FNBP4: variants seen among roughly 807,000 people sequenced by gnomAD.
FNBP4 encodes formin binding protein 4, also known as formin-binding protein 4.
FNBP4 carries 34 observed loss-of-function variants against 119.3 expected under a neutral mutation model. That is an observed-to-expected ratio of 0.28 (90% CI 0.22 to 0.38). The LOEUF is 0.38. Among genes scored for constraint, FNBP4 ranks in the 10% least tolerant of loss-of-function variants. The pLI, the probability that FNBP4 is intolerant of heterozygous loss-of-function variation, is 1.00. For missense variants in FNBP4, 1,112 were observed against 1,228.9 expected (o/e 0.90, Z 1.42); for synonymous variants, 462 against 430.6 (o/e 1.07, Z -0.90).
At position 47,746,386 on chromosome 11, in the gene FNBP4, A is replaced by G. The variant is rs756239260; in HGVS notation, c.915T>C (p.Asn305=). The G allele has an allele frequency of 6.3e-6, 10 of 1,592,222 alleles. No individual in the cohort carries two copies. Among genetic ancestry groups the G allele is most frequent in the Non-Finnish European group, 8.5e-6 (10 of 1,173,838 alleles). Residue 305 remains asparagine (N), a synonymous_variant, in exon 7 of 17, where the codon AAT becomes AAC. Coordinates refer to ENST00000263773, the MANE Select transcript of FNBP4 (RefSeq NM_015308.5). The part of the protein sequence containing the change: ...IAKREVKKEV[N]EGIQALSNSE... Reference sequence around the variant, plus strand: ...TATTTGAGAGAGCCTGAATTCCTTCATTTACTTCCTATAAAGAACAAAATA... The same window carrying G: ...TATTTGAGAGAGCCTGAATTCCTTCGTTTACTTCCTATAAAGAACAAAATA...
chr11:47,747,871 C>G (rs1294320584), intron 6 of FNBP4, among the ~76,000 whole-genome samples: 3 of 151,926 alleles, frequency 2.0e-5, no homozygotes, highest in Non-Finnish European at 4.4e-5. Flanking sequence ...TCGCTTGAAC[C>G]TGGGAGGCAG....
At chr11:47,735,865 G>T (rs578111109) in intron 9 of FNBP4, among the ~76,000 whole-genome samples, 1 of 150,988 alleles carries the variant, frequency 6.6e-6, no homozygotes, top group South Asian at 2.1e-4. Flanking sequence ...GTATCACGAG[G>T]TCAGGAGATC....
intron 1 of FNBP4, among the ~76,000 whole-genome samples, chr11:47,766,091 A>G (rs113135842): frequency 1.5e-3 from 231 of 152,180 alleles, no homozygotes; most frequent in African/African-American, 5.2e-3. Context: ...TCTCGCCTGT[A>G]ATGATCGCTT....
chr11:47,720,210 A>T, intron 15 of FNBP4, 124 bp from the exon 16 acceptor site: 1 of 880,340 alleles, frequency 1.1e-6, no homozygotes, highest in Non-Finnish European at 1.7e-6. Flanking sequence ...AAAAGAAAGT[A>T]AATACCATTC....
chr11:47,736,820 T>G, intron 8 of FNBP4, 80 bp from the exon 9 acceptor site: 1 of 1,240,100 alleles, frequency 8.1e-7, no homozygotes, highest in South Asian at 1.3e-5. Context: ...ATAGCAGATA[T>G]CTGCAAAAGA....
At chr11:47,744,711 G>A (rs1027575941) in intron 7 of FNBP4, among the ~76,000 whole-genome samples, 1 of 152,146 alleles carries the variant, frequency 6.6e-6, no homozygotes, top group African/African-American at 2.4e-5. Flanking sequence ...ATCCCCTCAA[G>A]CATTTATCCT....
At chr11:47,730,277 C>A in intron 12 of FNBP4, 2 of 976,102 alleles carry the variant, frequency 2.0e-6, no homozygotes, top group Non-Finnish European at 2.4e-6. Flanking sequence ...AAAAGAAAAT[C>A]TCTTCATGTA....
intron 12 of FNBP4, among the ~76,000 whole-genome samples, chr11:47,728,589 G>A (rs2097563863): frequency 6.6e-6 from 1 of 152,038 alleles, no homozygotes; most frequent in African/African-American, 2.4e-5. Flanking sequence ...AAGCTAGAGT[G>A]CAATGGTGTG....
intron 15 of FNBP4, 122 bp from the exon 16 acceptor site, chr11:47,720,208 G>A: frequency 1.1e-6 from 1 of 877,876 alleles, no homozygotes. Context: ...AAAAAAGAAA[G>A]TAAATACCAT....
intron 12 of FNBP4, chr11:47,725,162 G>C (rs1255024622): frequency 6.3e-6 from 1 of 159,744 alleles, no homozygotes; most frequent in Non-Finnish European, 1.4e-5. Flanking sequence ...TCTGTAGTTT[G>C]AAGTTTTTGA....
intron 3 of FNBP4, among the ~76,000 whole-genome samples, chr11:47,753,517 A>G (rs889587941): frequency 6.6e-6 from 1 of 152,162 alleles, no homozygotes; most frequent in African/African-American, 2.4e-5. Flanking sequence ...AGGCTGAGGC[A>G]CTAGAATTGC....
At position 47,734,023 on chromosome 11, in the gene FNBP4, A is replaced by C; in HGVS notation, c.1686+2T>G. Reference sequence around the variant, plus strand: ...GCCAAAAAAAAAAAAAAAAAGACTTACCTCAGTCTGTAAGAGCAGCACATG... The same window carrying C: ...GCCAAAAAAAAAAAAAAAAAGACTTCCCTCAGTCTGTAAGAGCAGCACATG... On this transcript the variant is annotated splice_donor_variant, in intron 10 of 16. Coordinates refer to ENST00000263773, the MANE Select transcript of FNBP4 (RefSeq NM_015308.5). LOFTEE classifies it high-confidence loss of function. 1 of 1,355,798 alleles carries C rather than the reference A, an allele frequency of 7.4e-7. No individual in the cohort carries two copies. The highest frequency in any genetic ancestry group is 1.0e-6 in the Non-Finnish European group (1 of 996,312). The allele number at this position is 1,355,798 out of a possible 1,614,324, so 84.0% of individuals were successfully genotyped here. A position where few individuals can be genotyped will look rare whatever the true frequency, so the allele number is the denominator to read the frequency against.
chr11:47,756,236 T>C (rs778908795), intron 2 of FNBP4, among the ~76,000 whole-genome samples: 5 of 152,164 alleles, frequency 3.3e-5, no homozygotes, highest in Non-Finnish European at 5.9e-5. Context: ...ATTAACAATA[T>C]AATACATAGA....
chr11:47,746,009 G>A, intron 7 of FNBP4, 47 bp downstream of exon 7: 1 of 1,437,176 alleles, frequency 7.0e-7, no homozygotes, highest in Non-Finnish European at 9.5e-7. Context: ...TCCCTGTAGA[G>A]TAGTACTGAG....
intron 10 of FNBP4, among the ~76,000 whole-genome samples, chr11:47,733,372 T>C (rs1339127321): frequency 6.6e-6 from 1 of 151,920 alleles, no homozygotes; most frequent in African/African-American, 2.4e-5. Context: ...GGACTCTGGC[T>C]CTGTTGCCCA....
At position 47,723,210 on chromosome 11, in the gene FNBP4, G is replaced by A. The variant is rs781727247; in HGVS notation, c.2571C>T (p.Ser857=). 1.9e-6 allele frequency: 3 copies of A among 1,614,042 alleles called. No homozygotes were observed. Among genetic ancestry groups the A allele is most frequent in the Non-Finnish European group, 2.5e-6 (3 of 1,180,056 alleles). ...CTAGTCCAAGGTAATTTGACTGCAG[G>A]CTCATTCCTCTGGCCTGATGACCCA... ...AGMGHQARGM[S]LQSNYLGLAA... is the part of the protein sequence containing the mutation. Residue 857 remains serine (S), a synonymous_variant, in exon 15 of 17, where the codon AGC becomes AGT. Coordinates refer to ENST00000263773, the MANE Select transcript of FNBP4 (RefSeq NM_015308.5).
At chr11:47,752,618 T>C in intron 4 of FNBP4, 2 of 224,004 alleles carry the variant, frequency 8.9e-6, no homozygotes, top group Non-Finnish European at 1.8e-5. Context: ...AGACCAGCCT[T>C]GGGCAACACA....
In FNBP4 at chr11:47,754,674, A is replaced by G. The variant is rs1191456598; in HGVS notation, c.314-10T>C. The G allele has an allele frequency of 1.2e-5, 20 of 1,612,592 alleles. No individual in the cohort carries two copies. Among genetic ancestry groups the G allele is most frequent in the Non-Finnish European group, 1.5e-5 (18 of 1,179,650 alleles). On this transcript the variant is annotated splice_polypyrimidine_tract_variant and intron_variant, in intron 2 of 16. Transcript: ENST00000263773. The stretch of plus-strand genomic sequence containing the variant: ...AGCAAGCATAGACCGCCTAGAAACA[A>G]AAAGGTAAACAGTATTTGTAACAAC...
At position 47,731,856 on chromosome 11, in the gene FNBP4, G is replaced by T. The variant is rs1475200388; in HGVS notation, c.1821-295C>A. On this transcript the variant is annotated intron_variant, in intron 11 of 16. Transcript: ENST00000263773. The stretch of plus-strand genomic sequence containing the variant: ...TTGTGATTTGCCAATGCATAACAGG[G>T]TTTCAAGTTTCATTAATGAAGGGAC... 3 of 1,072,318 alleles carry T rather than the reference G, an allele frequency of 2.8e-6. No homozygotes were observed. In the African/African-American group the frequency reaches 5.0e-5, roughly 18 times the overall value. The allele number at this position is 1,072,318 out of a possible 1,614,324, so 66.4% of individuals were successfully genotyped here. A position where few individuals can be genotyped will look rare whatever the true frequency, so the allele number is the denominator to read the frequency against.
Sources: gnomAD v4.1 joint callset for allele counts (sites outside exome capture counted in the v4.1 genomes callset) on GRCh38, gnomAD v4.1.1 for gene constraint, MANE v1.5 for transcripts, NCBI Gene and HGNC (gene_info 2026-07-23, HGNC 2026-07-21) for gene names.